CCSER1: variants seen among roughly 807,000 people sequenced by gnomAD.
CCSER1 encodes the protein serine-rich coiled-coil domain-containing protein 1.
A neutral mutation model predicts 82.0 loss-of-function variants in CCSER1; 41 were observed. That is an observed-to-expected ratio of 0.50 (90% CI 0.39 to 0.65). CCSER1 has a LOEUF of 0.65. Ranked by LOEUF, CCSER1 falls within the 30% of genes least tolerant of loss-of-function variation. The pLI is 0.00. For missense variants in CCSER1, 1,119 were observed against 1,064.2 expected, an observed-to-expected ratio of 1.05 and a Z score of -0.72; for synonymous variants, 414 against 383.9, an observed-to-expected ratio of 1.08 and a Z score of -0.92.
intron 10 of CCSER1, among the ~76,000 whole-genome samples, chr4:91,594,927 T>C (rs79222902): frequency 0.036 from 5,480 of 152,106 alleles, 134 homozygotes; most frequent in Middle Eastern, 0.075. Flanking sequence ...GCCTCCTACT[T>C]TTCCCTTTCT....
intron 8 of CCSER1, among the ~76,000 whole-genome samples, chr4:90,836,921 A>G (rs933120804): frequency 7.9e-5 from 12 of 152,242 alleles, no homozygotes; most frequent in African/African-American, 2.9e-4. Flanking sequence ...ACTGAGCAAA[A>G]ATGTACCAGT....
At chr4:91,197,849 T>C (rs1031767097) in intron 10 of CCSER1, among the ~76,000 whole-genome samples, 1 of 152,152 alleles carries the variant, frequency 6.6e-6, no homozygotes, top group South Asian at 2.1e-4. Flanking sequence ...TGTATTTGAC[T>C]TTTCTCCTAG....
chr4:90,419,276 T>C (rs1756317334), intron 4 of CCSER1, among the ~76,000 whole-genome samples: 2 of 151,976 alleles, frequency 1.3e-5, no homozygotes, highest in Admixed American at 6.6e-5. Flanking sequence ...CAATACCTGT[T>C]ATCTGCTTGG....
At chr4:90,901,650 G>A (rs1057283056) in intron 8 of CCSER1, among the ~76,000 whole-genome samples, 5 of 151,998 alleles carry the variant, frequency 3.3e-5, no homozygotes, top group Non-Finnish European at 7.4e-5. Context: ...TGAGAAGTCA[G>A]CTGTTAGTCT....
At chr4:90,549,881 T>A (rs1195900758) in intron 5 of CCSER1, among the ~76,000 whole-genome samples, 1 of 150,798 alleles carries the variant, frequency 6.6e-6, no homozygotes, top group African/African-American at 2.4e-5. Context: ...AGGAAAATAA[T>A]GTAAGGAAAA....
chr4:90,276,403 G>A (rs1242475794), intron 1 of CCSER1, among the ~76,000 whole-genome samples: 1 of 144,298 alleles, frequency 6.9e-6, no homozygotes, highest in Non-Finnish European at 1.5e-5. Flanking sequence ...CTGGAGTGCA[G>A]TGGCACGATC....
At chr4:90,687,450 T>A (rs1293520155) in intron 6 of CCSER1, among the ~76,000 whole-genome samples, 1 of 152,160 alleles carries the variant, frequency 6.6e-6, no homozygotes, top group African/African-American at 2.4e-5. Flanking sequence ...CAACCATTTT[T>A]TTTTTCACCC....
At chr4:90,324,264 G>T (rs1737708166) in intron 3 of CCSER1, among the ~76,000 whole-genome samples, 1 of 152,056 alleles carries the variant, frequency 6.6e-6, no homozygotes, top group South Asian at 2.1e-4. Context: ...CACAATGGTT[G>T]AACTAGCTTA....
At chr4:91,072,477 G>T (rs1012185560) in intron 9 of CCSER1, among the ~76,000 whole-genome samples, 2 of 152,076 alleles carry the variant, frequency 1.3e-5, no homozygotes, top group Non-Finnish European at 2.9e-5. Flanking sequence ...TGGTAAAAAT[G>T]ACATGGTTTA....
intron 9 of CCSER1, among the ~76,000 whole-genome samples, chr4:91,078,950 G>A (rs1045786728): frequency 2.0e-5 from 3 of 152,186 alleles, no homozygotes; most frequent in African/African-American, 7.2e-5. Flanking sequence ...ATCTACATCT[G>A]ATTGATGTAC....
chr4:90,150,539 AC>A (rs1726640104), intron 1 of CCSER1, among the ~76,000 whole-genome samples: 1 of 152,216 alleles, frequency 6.6e-6, no homozygotes, highest in African/African-American at 2.4e-5. Flanking sequence ...AAAGATTATT[AC>A]CAGCTCATGA....
intron 1 of CCSER1, among the ~76,000 whole-genome samples, chr4:90,169,146 T>C: frequency 6.6e-6 from 1 of 152,054 alleles, no homozygotes; most frequent in Non-Finnish European, 1.5e-5. Flanking sequence ...TCCTCTTTTA[T>C]TTCATTGAGC....
At chr4:91,188,041 T>C (rs188507507) in intron 10 of CCSER1, among the ~76,000 whole-genome samples, 1 of 151,980 alleles carries the variant, frequency 6.6e-6, no homozygotes, top group East Asian at 1.9e-4. Context: ...GAGTCCAAGA[T>C]TAAAAGAAAA....
At chr4:90,543,717 G>T (rs998748975) in intron 5 of CCSER1, among the ~76,000 whole-genome samples, 3 of 152,092 alleles carry the variant, frequency 2.0e-5, no homozygotes, top group Admixed American at 1.3e-4. Flanking sequence ...TTCTTTAACT[G>T]CACCTGTAAG....
intron 5 of CCSER1, among the ~76,000 whole-genome samples, chr4:90,502,904 G>C (rs950497667): frequency 1.1e-4 from 16 of 151,870 alleles, no homozygotes; most frequent in Admixed American, 9.2e-4. Context: ...GTTTTCTCAA[G>C]TGAAACCAAT....
At chr4:90,955,632 C>T (rs1012888175) in intron 9 of CCSER1, among the ~76,000 whole-genome samples, 24 of 152,174 alleles carry the variant, frequency 1.6e-4, no homozygotes, top group African/African-American at 5.1e-4. Flanking sequence ...AATCTAAAAC[C>T]CTTACTCTGA....
At chr4:91,002,144 CTT>C (rs1738093144) in intron 9 of CCSER1, among the ~76,000 whole-genome samples, 1 of 152,120 alleles carries the variant, frequency 6.6e-6, no homozygotes, top group Non-Finnish European at 1.5e-5. Flanking sequence ...ATAGGTTTTC[CTT>C]TGTAGGTTAC....
chr4:90,658,845 G>A (rs2149084665), intron 6 of CCSER1, among the ~76,000 whole-genome samples: 1 of 152,222 alleles, frequency 6.6e-6, no homozygotes, highest in South Asian at 2.1e-4. Flanking sequence ...CTTTTCCAAA[G>A]CATTTCACAA....
chr4:90,249,461 AG>A (rs1406304688), intron 1 of CCSER1, among the ~76,000 whole-genome samples: 1 of 152,174 alleles, frequency 6.6e-6, no homozygotes, highest in Non-Finnish European at 1.5e-5. Context: ...TACCCCCAAA[AG>A]AAATGCAATT....
Sources: gnomAD v4.1 joint callset for allele counts (sites outside exome capture counted in the v4.1 genomes callset) on GRCh38, gnomAD v4.1.1 for gene constraint, MANE v1.5 for transcripts, NCBI Gene and HGNC (gene_info 2026-07-23, HGNC 2026-07-21) for gene names.